The following ESYT2 variants were observed in gnomAD, a reference collection of about 807,000 sequenced individuals.
ESYT2 encodes extended synaptotagmin 2, also known as extended synaptotagmin-2.
In ESYT2, 54 loss-of-function variants were observed where a neutral mutation model predicts 107.2. The observed-to-expected ratio is 0.50, with a 90% CI of 0.40 to 0.63. The LOEUF is 0.63. ESYT2 is among the 30% of genes least tolerant of loss of function. ESYT2 has a pLI of 0.00. For missense variants in ESYT2, 1,020 were observed against 1,094.5 expected (o/e 0.93, Z 0.96); for synonymous variants, 491 against 434.1 (o/e 1.13, Z -1.63).
rs141547137 is a variant in ESYT2 at position 158,740,956 on chromosome 7, G to C, written c.2168+567C>G. Among the ~76,000 whole-genome samples the C allele has an allele frequency of 2.8e-4, 43 of 152,132 alleles. No homozygotes were observed. The East Asian group carries it at 7.3e-3, about 26-fold the overall frequency. ...TTGTTTCTTCCACCAAGAGGAAAAG[G>C]TTAACATCTGAAGCTTGTGATAACT... is the stretch of plus-strand genomic sequence containing the variant. On this transcript the variant is annotated intron_variant, in intron 18 of 22. Transcript: ENST00000275418.
At chr7:158,786,990 A>T (rs940274835) in intron 6 of ESYT2, among the ~76,000 whole-genome samples, 1 of 152,216 alleles carries the variant, frequency 6.6e-6, no homozygotes, top group African/African-American at 2.4e-5. Flanking sequence ...TCTGCGGCAA[A>T]GAAAAAGGCA....
chr7:158,823,581 CT>C (rs1460529475), intron 1 of ESYT2, among the ~76,000 whole-genome samples: 1 of 152,038 alleles, frequency 6.6e-6, no homozygotes, highest in South Asian at 2.1e-4. Flanking sequence ...CTGCCTTGGC[CT>C]CCCAAAGAGC....
At chr7:158,791,456 C>A (rs12670573) in intron 4 of ESYT2, among the ~76,000 whole-genome samples, 4 of 152,040 alleles carry the variant, frequency 2.6e-5, no homozygotes, top group Non-Finnish European at 5.9e-5. Context: ...GGCGGGATTT[C>A]TGGATCACAT....
chr7:158,764,426 T>A (rs1436362708), intron 9 of ESYT2, among the ~76,000 whole-genome samples: 1 of 152,240 alleles, frequency 6.6e-6, no homozygotes, highest in Non-Finnish European at 1.5e-5. Flanking sequence ...TGAAAAATAT[T>A]TTGCTGATCA....
intron 6 of ESYT2, among the ~76,000 whole-genome samples, chr7:158,780,036 G>A (rs944525168): frequency 2.0e-5 from 3 of 152,224 alleles, no homozygotes; most frequent in African/African-American, 7.2e-5. Context: ...CTGTCACTCA[G>A]AATGACTACC....
intron 12 of ESYT2, 51 bp from the exon 13 acceptor site, chr7:158,759,632 T>C: frequency 6.9e-7 from 1 of 1,457,590 alleles, no homozygotes. Context: ...CAGGATTAGA[T>C]ACTATTTCTA....
chr7:158,806,089 GGGGCACACC>G (rs1839819586), intron 1 of ESYT2, among the ~76,000 whole-genome samples: 3 of 152,078 alleles, frequency 2.0e-5, no homozygotes, highest in Admixed American at 2.0e-4. Flanking sequence ...GGGAGGCGCC[GGGGCACACC>G]GCGTGGGAGG....
chr7:158,825,247 C>T (rs1840405768), intron 1 of ESYT2, among the ~76,000 whole-genome samples: 1 of 152,176 alleles, frequency 6.6e-6, no homozygotes, highest in South Asian at 2.1e-4. Flanking sequence ...GAGCCGAGAC[C>T]ATGCCACTGC....
chr7:158,777,573 C>T (rs368266871), intron 6 of ESYT2, among the ~76,000 whole-genome samples: 3 of 152,200 alleles, frequency 2.0e-5, no homozygotes, highest in East Asian at 3.9e-4. Context: ...ATGTGCCTCA[C>T]TTCCCCTTCA....
chr7:158,823,514 G>A (rs892819759), intron 1 of ESYT2, among the ~76,000 whole-genome samples: 2 of 151,684 alleles, frequency 1.3e-5, no homozygotes, highest in Non-Finnish European at 2.9e-5. Context: ...TTTTAGTAGA[G>A]ACGGGGTCTC....
intron 1 of ESYT2, among the ~76,000 whole-genome samples, chr7:158,827,971 G>C (rs1387722522): frequency 2.0e-5 from 3 of 152,164 alleles, no homozygotes; most frequent in African/African-American, 7.2e-5. Context: ...AAATATACGA[G>C]GTAGAGAACT....
chr7:158,744,767 T>C (rs1325892265), intron 16 of ESYT2, among the ~76,000 whole-genome samples: 6 of 152,214 alleles, frequency 3.9e-5, no homozygotes, highest in Non-Finnish European at 8.8e-5. Flanking sequence ...GTAAGAACTC[T>C]GAAGGTTTCT....
chr7:158,811,504 T>C (rs1476675560), intron 1 of ESYT2, among the ~76,000 whole-genome samples: 1 of 152,190 alleles, frequency 6.6e-6, no homozygotes, highest in African/African-American at 2.4e-5. Context: ...AGAACTGAAA[T>C]ATTTGGTGAG....
intron 8 of ESYT2, 136 bp from the exon 9 acceptor site, chr7:158,764,989 C>T: frequency 1.2e-6 from 1 of 814,022 alleles, no homozygotes; most frequent in Non-Finnish European, 1.9e-6. Flanking sequence ...GTGCCGAGTA[C>T]ATCCCAGCAG....
Position 158,733,988 on chromosome 7 carries a change from T to C in ESYT2, c.*219A>G, listed in dbSNP as rs1836830269. ...GAGCTACCGCCGCCCTACTGCACGT[T>C]GTAGGAACTGGCGAAATCCTAGAGG... On this transcript the variant is annotated 3_prime_UTR_variant, in exon 23 of 23. Transcript: ENST00000275418. 9.0e-6 allele frequency: 5 copies of C among 553,652 alleles called. No individual in the cohort carries two copies. In the South Asian group the frequency reaches 1.0e-4, roughly 11 times the overall value. The allele number at this position is 553,652 out of a possible 1,614,324, so 34.3% of individuals were successfully genotyped here.
chr7:158,757,059 G>C (rs1438144603), intron 13 of ESYT2, among the ~76,000 whole-genome samples: 1 of 152,014 alleles, frequency 6.6e-6, no homozygotes, highest in Non-Finnish European at 1.5e-5. Context: ...CCTCAGGAGA[G>C]GTTTTTTTCA....
intron 1 of ESYT2, among the ~76,000 whole-genome samples, chr7:158,825,483 G>A (rs908767018): frequency 6.6e-6 from 1 of 152,284 alleles, no homozygotes; most frequent in East Asian, 1.9e-4. Flanking sequence ...GAAAAGAAGT[G>A]AAGAATAACA....
chr7:158,767,881 TA>T, intron 7 of ESYT2, 107 bp from the exon 8 acceptor site: 1 of 1,350,460 alleles, frequency 7.4e-7, no homozygotes, highest in East Asian at 2.5e-5. Flanking sequence ...CCCATTTATT[TA>T]CAGAGTAGGA....
At chr7:158,796,953 G>C (rs1260584282) in intron 3 of ESYT2, among the ~76,000 whole-genome samples, 1 of 143,928 alleles carries the variant, frequency 6.9e-6, no homozygotes, top group Non-Finnish European at 1.5e-5. Context: ...CTGAGTGACA[G>C]AGACAGGAAG....
Sources: allele counts gnomAD v4.1 joint callset (sites outside exome capture counted in the v4.1 genomes callset), GRCh38; gene constraint gnomAD v4.1.1; transcripts MANE v1.5; gene names NCBI Gene and HGNC (gene_info 2026-07-23, HGNC 2026-07-21).